Variants in LCORL observed in about 807,000 individuals in gnomAD.
LCORL encodes ligand dependent nuclear receptor corepressor like.
LCORL carries 41 observed loss-of-function variants against 141.8 expected under a neutral mutation model. The observed-to-expected ratio is 0.29, with a 90% CI of 0.23 to 0.38. The LOEUF is 0.38. Ranked by LOEUF, LCORL falls within the 10% of genes least tolerant of loss-of-function variation. The pLI, the probability that LCORL is intolerant of heterozygous loss-of-function variation, is 1.00. For synonymous variants in LCORL, 618 were observed against 694.1 expected (o/e 0.89, Z 1.72); for missense variants, 1,759 against 2,035.0 (o/e 0.86, Z 2.61).
At chr4:17,875,148 A>G (rs1726782544) in exon 7 of LCORL, 1 of 1,232,266 alleles carries the variant, frequency 8.1e-7, no homozygotes. Context: ...ATCCTGTTCT[A>G]AAGGAGGCAA....
chr4:17,981,626 T>C (rs962425140), intron 1 of LCORL, among the ~76,000 whole-genome samples: 4 of 151,992 alleles, frequency 2.6e-5, no homozygotes, highest in Non-Finnish European at 5.9e-5. Flanking sequence ...TAGTCCCAGC[T>C]ACTCAGGAGG....
exon 3 of LCORL, chr4:17,963,022 C>A (rs1210481483): frequency 6.3e-7 from 1 of 1,595,320 alleles, no homozygotes; most frequent in Admixed American, 1.7e-5. Flanking sequence ...ATCCATAGAC[C>A]AGTCAGTCAG....
chr4:17,985,004 CATTA>C (rs1718704085), intron 1 of LCORL, among the ~76,000 whole-genome samples: 1 of 152,002 alleles, frequency 6.6e-6, no homozygotes, highest in Non-Finnish European at 1.5e-5. Flanking sequence ...GCTTTAATTT[CATTA>C]TTTATCCAAA....
chr4:17,982,929 G>C (rs971723738), intron 1 of LCORL, among the ~76,000 whole-genome samples: 1 of 152,144 alleles, frequency 6.6e-6, no homozygotes, highest in Non-Finnish European at 1.5e-5. Flanking sequence ...TCCATCTTGA[G>C]TTAATTTTTG....
chr4:17,862,002 A>T (rs1725067251), intron 7 of LCORL, among the ~76,000 whole-genome samples: 1 of 152,108 alleles, frequency 6.6e-6, no homozygotes, highest in African/African-American at 2.4e-5. Context: ...GAAGTTCCAG[A>T]CTTTCCCACA....
chr4:17,986,229 C>T (rs1207145856), intron 1 of LCORL, among the ~76,000 whole-genome samples: 1 of 152,118 alleles, frequency 6.6e-6, no homozygotes, highest in African/African-American at 2.4e-5. Context: ...GTAATGATTA[C>T]ATGTCATAGG....
At chr4:17,990,568 CATG>C (rs1719811980) in intron 1 of LCORL, among the ~76,000 whole-genome samples, 1 of 150,658 alleles carries the variant, frequency 6.6e-6, no homozygotes, top group African/African-American at 2.4e-5. Context: ...CCTACTGTAT[CATG>C]ATATGCACTA....
At chr4:17,942,676 A>C (rs1738161961) in intron 4 of LCORL, among the ~76,000 whole-genome samples, 1 of 152,214 alleles carries the variant, frequency 6.6e-6, no homozygotes, top group Non-Finnish European at 1.5e-5. Flanking sequence ...TGCTCAGGGT[A>C]ATAAAAGATA....
chr4:17,873,630 G>A, exon 7 of LCORL: 1 of 1,233,834 alleles, frequency 8.1e-7, no homozygotes, highest in East Asian at 3.2e-5. Context: ...TATTTCTTTA[G>A]ATTGCTTTTT....
At chr4:17,927,513 A>C (rs916525160) in intron 4 of LCORL, among the ~76,000 whole-genome samples, 1 of 152,132 alleles carries the variant, frequency 6.6e-6, no homozygotes, top group African/African-American at 2.4e-5. Flanking sequence ...CTGACTTTTG[A>C]TATGTCTTTC....
chr4:17,881,109 A>G (rs916403770), intron 6 of LCORL: 1 of 982,972 alleles, frequency 1.0e-6, no homozygotes, highest in African/African-American at 1.8e-5. Flanking sequence ...AAACAACTTT[A>G]CTGAGCAGTA....
intron 1 of LCORL, among the ~76,000 whole-genome samples, chr4:17,991,422 T>C (rs1424046784): frequency 6.6e-6 from 1 of 152,238 alleles, no homozygotes; most frequent in Non-Finnish European, 1.5e-5. Flanking sequence ...ATCTAAGCTA[T>C]ATCAAAGAAG....
intron 7 of LCORL, among the ~76,000 whole-genome samples, chr4:17,853,236 C>T (rs1226843748): frequency 6.6e-6 from 1 of 151,952 alleles, no homozygotes; most frequent in African/African-American, 2.4e-5. Flanking sequence ...CATGATTCTC[C>T]ATGTTAATAC....
exon 8 of LCORL, chr4:17,842,003 C>T (rs960296694): frequency 4.1e-5 from 10 of 244,962 alleles, no homozygotes; most frequent in Non-Finnish European, 6.5e-5. Context: ...TTCATTATAA[C>T]ACATTTTTCA....
chr4:18,020,456 C>G (rs1186376219), intron 1 of LCORL: 1 of 152,246 alleles, frequency 6.6e-6, no homozygotes. Flanking sequence ...ACCCATAACC[C>G]CCTTCCAAAA....
At position 17,877,188 on chromosome 4, in the gene LCORL, T is replaced by C. The variant is rs878962130; in HGVS notation, c.1802A>G (p.Gln601Arg). 13 of 1,230,374 alleles carry C rather than the reference T, an allele frequency of 1.1e-5. No homozygotes were observed. The South Asian group carries it at 3.3e-4, about 31-fold the overall frequency. The allele number at this position is 1,230,374 out of a possible 1,614,324, so 76.2% of individuals were successfully genotyped here. A position where few individuals can be genotyped will look rare whatever the true frequency, so the allele number is the denominator to read the frequency against. ...TTCTTGACGCTTTCGAAATCTTGTC[T>C]GAATAATTTTATTTTCTACCTTTTT... is the stretch of plus-strand genomic sequence containing the variant. Residue 601 changes from glutamine (Q) to arginine (R), a missense_variant, in exon 7 of 8, where the codon CAG (glutamine) becomes CGG (arginine). Physicochemically the swap from Gln to Arg is conservative, Grantham distance 43. Transcript: ENST00000635767.
At chr4:17,876,634 C>T (rs1726953579) in exon 7 of LCORL, 6 of 1,230,620 alleles carry the variant, frequency 4.9e-6, no homozygotes, top group Non-Finnish European at 6.1e-6. Context: ...TTATTTGTTA[C>T]ATATACAGAA....
intron 4 of LCORL, among the ~76,000 whole-genome samples, chr4:17,923,510 G>T (rs1734623321): frequency 1.3e-5 from 2 of 152,156 alleles, no homozygotes; most frequent in Admixed American, 1.3e-4. Context: ...GCCGGGTGTG[G>T]TGGCGGGTGC....
intron 5 of LCORL, among the ~76,000 whole-genome samples, chr4:17,888,017 G>GT (rs1728534658): frequency 6.6e-6 from 1 of 152,082 alleles, no homozygotes. Context: ...TACTATACCA[G>GT]TAACACTTAC....
Sources: gnomAD v4.1 joint callset for allele counts (sites outside exome capture counted in the v4.1 genomes callset) on GRCh38, gnomAD v4.1.1 for gene constraint, MANE v1.5 for transcripts, NCBI Gene and HGNC (gene_info 2026-07-23, HGNC 2026-07-21) for gene names.